Variants in NAT1 observed in about 807,000 individuals in gnomAD.
NAT1 encodes arylamine N-acetyltransferase 1.
For missense variants in NAT1, 400 were observed against 339.2 expected, an observed-to-expected ratio of 1.18 and a Z score of -1.41; for synonymous variants, 144 against 122.6, an observed-to-expected ratio of 1.17 and a Z score of -1.16.
intron 1 of NAT1, chr8:18,216,784 G>C: frequency 1.4e-6 from 1 of 694,516 alleles, no homozygotes; most frequent in Middle Eastern, 2.6e-4. Context: ...GACAGATACT[G>C]GGTATGATGA....
intron 2 of NAT1, among the ~76,000 whole-genome samples, chr8:18,176,603 G>T (rs200392517): frequency 6.7e-6 from 1 of 150,146 alleles, no homozygotes; most frequent in Admixed American, 6.6e-5. Flanking sequence ...TTTTTGTTTT[G>T]TTTTGTTTTT....
intron 1 of NAT1, among the ~76,000 whole-genome samples, chr8:18,211,658 A>G (rs1006073533): frequency 2.0e-5 from 3 of 152,148 alleles, no homozygotes; most frequent in African/African-American, 7.2e-5. Flanking sequence ...ACAACTGTTG[A>G]ATGATGGTCT....
chr8:18,181,156 T>G (rs1802498267), intron 2 of NAT1, among the ~76,000 whole-genome samples: 1 of 152,192 alleles, frequency 6.6e-6, no homozygotes, highest in Admixed American at 6.6e-5. Context: ...TTCCATTTTT[T>G]GGGTCCTCTT....
intron 2 of NAT1, chr8:18,200,888 A>AG (rs1460933900): frequency 6.6e-6 from 1 of 152,252 alleles, no homozygotes; most frequent in South Asian, 2.1e-4. Context: ...ATTTGTAGTG[A>AG]GGGTCTTCCC....
chr8:18,206,260 T>G (rs1803715575), upstream of NAT1, among the ~76,000 whole-genome samples: 1 of 152,192 alleles, frequency 6.6e-6, no homozygotes, highest in South Asian at 2.1e-4. Flanking sequence ...CAGACCCATG[T>G]AGGGTTCCCA....
intron 2 of NAT1, among the ~76,000 whole-genome samples, chr8:18,202,110 G>T (rs1446014201): frequency 6.6e-6 from 1 of 152,184 alleles, no homozygotes; most frequent in African/African-American, 2.4e-5. Context: ...GTAGGATGAA[G>T]ACATTGACTT....
At chr8:18,216,764 G>A (rs1804713500) in intron 1 of NAT1, 2 of 596,898 alleles carry the variant, frequency 3.4e-6, no homozygotes. Flanking sequence ...AAGAGGCTAA[G>A]CAGTTGACAG....
intron 2 of NAT1, among the ~76,000 whole-genome samples, chr8:18,196,346 G>A (rs1291940509): frequency 6.6e-6 from 1 of 151,732 alleles, no homozygotes; most frequent in Admixed American, 6.6e-5. Context: ...TCTTTCACCT[G>A]AGCCTTCAAA....
upstream of NAT1, chr8:18,210,037 T>G (rs539950096): frequency 1.3e-5 from 2 of 152,288 alleles, no homozygotes; most frequent in Non-Finnish European, 2.9e-5. Flanking sequence ...GTAACCCTAA[T>G]GTGACTCTGG....
intron 2 of NAT1, among the ~76,000 whole-genome samples, chr8:18,185,510 C>G (rs1000082046): frequency 6.6e-6 from 1 of 152,014 alleles, no homozygotes; most frequent in Non-Finnish European, 1.5e-5. Flanking sequence ...CTTTTCAATC[C>G]TATATTGTTG....
At position 18,222,062 on chromosome 8, in the gene NAT1, A is replaced by G. The variant is rs747456038; in HGVS notation, c.15A>G (p.Ala5=). The G allele has an allele frequency of 3.7e-6, 6 of 1,612,820 alleles. No individual in the cohort carries two copies. Among genetic ancestry groups the G allele is most frequent in the Non-Finnish European group, 5.1e-6 (6 of 1,179,270 alleles). ...CTTAGGGGATCATGGACATTGAAGCATATCTTGAAAGAATTGGCTATAAGA... is the reference window on the plus strand; with the variant it reads ...CTTAGGGGATCATGGACATTGAAGCGTATCTTGAAAGAATTGGCTATAAGA... MDIE[A]YLERIGYKKS... is the part of the protein sequence containing the mutation. The change falls in exon 3 of 3, where the codon GCA becomes GCG. Residue 5 remains alanine, a synonymous_variant. Transcript: ENST00000307719.
chr8:18,199,979 G>C (rs1803395152), intron 2 of NAT1, among the ~76,000 whole-genome samples: 1 of 152,184 alleles, frequency 6.6e-6, no homozygotes, highest in African/African-American at 2.4e-5. Flanking sequence ...TCCCCCACCA[G>C]TCAGAATGGC....
chr8:18,209,377 T>C (rs1433270550), upstream of NAT1, among the ~76,000 whole-genome samples: 1 of 152,254 alleles, frequency 6.6e-6, no homozygotes, highest in African/African-American at 2.4e-5. Context: ...GTGATAGATG[T>C]GCTAATTATC....
At position 18,222,515 on chromosome 8, in the gene NAT1, T is replaced by C. The variant is rs141809132; in HGVS notation, c.468T>C (p.Asn156=). The change falls in exon 3 of 3, where the codon AAT becomes AAC. Residue 156 remains asparagine (N), a synonymous_variant. Coordinates refer to ENST00000307719, the MANE Select transcript of NAT1 (RefSeq NM_000662.8). ...GTGTCTTCCGTTTGACGGAAGAGAA[T>C]GGATTCTGGTATCTAGACCAAATCA... is the stretch of plus-strand genomic sequence containing the variant. The part of the protein sequence containing the change: ...VPCVFRLTEE[N]GFWYLDQIRR... 3 of 1,614,154 alleles carry C rather than the reference T, an allele frequency of 1.9e-6. No individual in the cohort carries two copies. The highest frequency in any genetic ancestry group is 4.5e-5 in the East Asian group (2 of 44,876).
intron 1 of NAT1, 128 bp from the exon 2 acceptor site, chr8:18,219,283 T>C: frequency 1.6e-6 from 1 of 631,046 alleles, no homozygotes. Context: ...TTCACTTTAC[T>C]GTGCAGTCCA....
chr8:18,220,840 C>A lies in NAT1; in HGVS notation c.-6-1202C>A, dbSNP rs548197240. 1.1e-4 allele frequency among the ~76,000 whole-genome samples: 17 copies of A among 152,294 alleles called. No homozygotes were observed. In the South Asian group the frequency reaches 3.3e-3, roughly 30 times the overall value. On this transcript the variant is annotated intron_variant, in intron 2 of 2. Transcript: ENST00000307719. ...AAAGTTCCTCAGTAAAGTCTCAGAT[C>A]TACTTAGATCATATGTTATCCATGA...
chr8:18,181,409 A>C (rs1475037080), intron 2 of NAT1, among the ~76,000 whole-genome samples: 1 of 152,134 alleles, frequency 6.6e-6, no homozygotes, highest in Non-Finnish European at 1.5e-5. Context: ...TGGATTTTTA[A>C]ATGTTGATTT....
upstream of NAT1, among the ~76,000 whole-genome samples, chr8:18,209,137 T>C (rs767588863): frequency 2.0e-5 from 3 of 152,192 alleles, no homozygotes; most frequent in Non-Finnish European, 4.4e-5. Flanking sequence ...CAAAGATATG[T>C]GGCCTCCAAC....
At chr8:18,171,403 C>G (rs1273052239) in intron 2 of NAT1, among the ~76,000 whole-genome samples, 1 of 152,092 alleles carries the variant, frequency 6.6e-6, no homozygotes, top group Admixed American at 6.6e-5. Context: ...GATTTCTTTG[C>G]AAAAGGCAAA....
Sources: gnomAD v4.1 joint callset for allele counts (sites outside exome capture counted in the v4.1 genomes callset) on GRCh38, gnomAD v4.1.1 for gene constraint, MANE v1.5 for transcripts, NCBI Gene and HGNC (gene_info 2026-07-23, HGNC 2026-07-21) for gene names.